Variants in RAP1A observed in about 807,000 individuals in gnomAD.
RAP1A encodes the protein ras-related protein Rap-1A.
RAP1A carries 6 observed loss-of-function variants against 26.4 expected under a neutral mutation model. The ratio of observed to expected loss-of-function variants is 0.23; its 90% CI spans 0.12 to 0.45. The LOEUF is 0.45. Ranked by LOEUF, RAP1A falls within the 20% of genes least tolerant of loss-of-function variation. RAP1A has a pLI of 0.99. For missense variants in RAP1A, 121 were observed against 217.2 expected (o/e 0.56, Z 2.78); for synonymous variants, 73 against 79.4 (o/e 0.92, Z 0.43).
chr1:111,638,818 A>C (rs1659803237), intron 1 of RAP1A, among the ~76,000 whole-genome samples: 1 of 151,932 alleles, frequency 6.6e-6, no homozygotes, highest in Admixed American at 6.6e-5. Context: ...TGTTCTAATA[A>C]GTAGGCAGAT....
intron 1 of RAP1A, among the ~76,000 whole-genome samples, chr1:111,688,047 AAAG>A: frequency 6.8e-6 from 1 of 146,332 alleles, no homozygotes; most frequent in East Asian, 2.0e-4. Flanking sequence ...AAAAAAAAAA[AAAG>A]ACTTGTTCAC....
At chr1:111,630,743 G>C (rs577263612) in intron 1 of RAP1A, among the ~76,000 whole-genome samples, 1 of 152,288 alleles carries the variant, frequency 6.6e-6, no homozygotes, top group South Asian at 2.1e-4. Flanking sequence ...AAAGTGGGAA[G>C]CAGATCATCA....
rs367747434 is a variant in RAP1A at position 111,702,304 on chromosome 1, A to AAT, written c.184-1020_184-1019dup. 9.7e-3 allele frequency among the ~76,000 whole-genome samples: 1,467 copies of AAT among 151,548 alleles called. 20 individuals carry two copies. Among genetic ancestry groups the AAT allele is most frequent in the African/African-American group, 0.033 (1,349 of 41,366 alleles). ...ATTCTGCCATATGTGCTTTTTAAGTAATATATATATATAATACCAAAACTT... is the reference window on the plus strand; with the variant it reads ...ATTCTGCCATATGTGCTTTTTAAGTAATATATATATATATAATACCAAAACTT... On this transcript the variant is annotated intron_variant, in intron 4 of 7. Transcript: ENST00000369709.
chr1:111,551,144 CTTTTACA>C (rs1360449522), intron 1 of RAP1A, among the ~76,000 whole-genome samples: 5 of 152,106 alleles, frequency 3.3e-5, no homozygotes. Context: ...TAAAGGGAGA[CTTTTACA>C]AACAGCATAT....
chr1:111,563,708 C>T, intron 1 of RAP1A: 2 of 637,628 alleles, frequency 3.1e-6, no homozygotes, highest in Admixed American at 5.0e-5. Flanking sequence ...TACAAATTAT[C>T]TCTATTTTAC....
chr1:111,613,844 T>A (rs1182543176), intron 1 of RAP1A, among the ~76,000 whole-genome samples: 1 of 152,234 alleles, frequency 6.6e-6, no homozygotes, highest in Non-Finnish European at 1.5e-5. Context: ...TGGACCACAT[T>A]TTGAGTGGCA....
intron 1 of RAP1A, among the ~76,000 whole-genome samples, chr1:111,645,567 C>T (rs1420876249): frequency 6.6e-6 from 1 of 152,184 alleles, no homozygotes; most frequent in Non-Finnish European, 1.5e-5. Context: ...AACAGGAATA[C>T]ATGGAATAGA....
intron 1 of RAP1A, among the ~76,000 whole-genome samples, chr1:111,601,704 C>T (rs1658675459): frequency 6.6e-6 from 1 of 152,166 alleles, no homozygotes; most frequent in Non-Finnish European, 1.5e-5. Flanking sequence ...CCCAGTTCTG[C>T]CATTTCTCTC....
At chr1:111,707,103 T>C (rs951998139) in intron 6 of RAP1A, among the ~76,000 whole-genome samples, 6 of 152,206 alleles carry the variant, frequency 3.9e-5, no homozygotes, top group Admixed American at 2.0e-4. Flanking sequence ...TTTCAGACTT[T>C]CTTTAGAAAT....
upstream of RAP1A, among the ~76,000 whole-genome samples, chr1:111,619,224 A>G (rs1053317792): frequency 6.6e-5 from 10 of 152,186 alleles, no homozygotes; most frequent in Admixed American, 4.6e-4. Flanking sequence ...CGTGTTTGCA[A>G]GACTTATTCC....
intron 1 of RAP1A, among the ~76,000 whole-genome samples, chr1:111,593,894 G>A (rs986837375): frequency 6.6e-6 from 1 of 152,044 alleles, no homozygotes; most frequent in East Asian, 1.9e-4. Flanking sequence ...TTTGAAAAAA[G>A]AATTATAAAA....
chr1:111,567,480 C>G (rs1657948088), intron 1 of RAP1A, among the ~76,000 whole-genome samples: 2 of 152,180 alleles, frequency 1.3e-5, no homozygotes, highest in South Asian at 4.1e-4. Flanking sequence ...AGATTCTCCC[C>G]AGAATAAAAT....
At chr1:111,615,937 T>C (rs914660147), upstream of RAP1A, among the ~76,000 whole-genome samples, 2 of 152,148 alleles carry the variant, frequency 1.3e-5, no homozygotes, top group African/African-American at 4.8e-5. Context: ...ATAAAGAACA[T>C]TTCCATCACA....
At chr1:111,544,420 C>T (rs1217071652) in intron 1 of RAP1A, among the ~76,000 whole-genome samples, 3 of 152,112 alleles carry the variant, frequency 2.0e-5, no homozygotes, top group Non-Finnish European at 4.4e-5. Context: ...ATGGATTTGA[C>T]TATTTTGGAC....
intron 1 of RAP1A, among the ~76,000 whole-genome samples, chr1:111,654,174 C>G (rs543915545): frequency 1.3e-5 from 2 of 152,172 alleles, no homozygotes; most frequent in African/African-American, 4.8e-5. Flanking sequence ...GTATTCTTAA[C>G]GAGTTACTGT....
At chr1:111,549,372 G>T (rs551780512) in intron 1 of RAP1A, among the ~76,000 whole-genome samples, 2 of 150,262 alleles carry the variant, frequency 1.3e-5, no homozygotes, top group Non-Finnish European at 3.0e-5. Context: ...GGTCGGGCTG[G>T]GCACGGTGGC....
At chr1:111,568,677 C>T (rs956645403) in intron 1 of RAP1A, among the ~76,000 whole-genome samples, 5 of 152,150 alleles carry the variant, frequency 3.3e-5, no homozygotes, top group African/African-American at 1.2e-4. Context: ...CTAAACAACA[C>T]AGGTTCAAAC....
intron 1 of RAP1A, among the ~76,000 whole-genome samples, chr1:111,596,117 C>T (rs2101069006): frequency 6.6e-6 from 1 of 152,230 alleles, no homozygotes; most frequent in Admixed American, 6.5e-5. Flanking sequence ...AACATAAGTG[C>T]AATTTTAAAA....
upstream of RAP1A, among the ~76,000 whole-genome samples, chr1:111,619,113 C>T (rs1659083198): frequency 6.6e-6 from 1 of 152,182 alleles, no homozygotes; most frequent in African/African-American, 2.4e-5. Context: ...TCAGCCATGC[C>T]GGCCTTTCAC....
Sources: gnomAD v4.1 joint callset for allele counts (sites outside exome capture counted in the v4.1 genomes callset) on GRCh38, gnomAD v4.1.1 for gene constraint, MANE v1.5 for transcripts, NCBI Gene and HGNC (gene_info 2026-07-23, HGNC 2026-07-21) for gene names.